PSG1: variants seen among roughly 807,000 people sequenced by gnomAD.
The protein encoded by PSG1 is pregnancy specific beta-1-glycoprotein 1, also known as pregnancy-specific beta-1-glycoprotein 1.
In PSG1, 60 loss-of-function variants were observed where a neutral mutation model predicts 41.4. That is an observed-to-expected ratio of 1.45 (90% CI 1.18 to 1.80). The LOEUF (loss-of-function observed/expected upper bound fraction) is 1.80, where lower values mean the gene tolerates loss of function less well. Ranked by LOEUF, PSG1 falls within the 40% of genes most tolerant of loss-of-function variation. The pLI is 0.00. For missense variants in PSG1, 806 were observed against 516.9 expected (o/e 1.56, Z -5.42); for synonymous variants, 256 against 192.9 (o/e 1.33, Z -2.71).
rs148462314 is a variant in PSG1 at position 42,873,587 on chromosome 19, C to G, written c.431-1542G>C. Among the ~76,000 whole-genome samples the G allele has an allele frequency of 7.8e-3, 1,190 of 151,756 alleles. 38 individuals carry two copies. Among genetic ancestry groups the G allele is most frequent in the African/African-American group, 0.027 (1,101 of 41,376 alleles). On this transcript the variant is annotated intron_variant, in intron 2 of 5. Coordinates refer to ENST00000436291, the MANE Select transcript of PSG1 (RefSeq NM_001184825.2). ...ATCAATTGCTGGTAGTAGTATTTCT[C>G]TTGAGACCAAAATAAGGTTTAGGTG... is the stretch of plus-strand genomic sequence containing the variant.
chr19:42,878,606 T>C (rs8108911), intron 1 of PSG1, among the ~76,000 whole-genome samples: 42,374 of 125,388 alleles, frequency 0.34, 10,092 homozygotes, highest in African/African-American at 0.64. Flanking sequence ...AGGTCCTGCT[T>C]ACATCAGGGC....
At position 42,868,139 on chromosome 19, in the gene PSG1, C is replaced by T. The variant is rs769816414; in HGVS notation, c.1205G>A (p.Gly402Asp). ...YVCSVRNSATGKESSKSMTVE... is the reference protein window; with the variant it reads ...YVCSVRNSATDKESSKSMTVE... Reference sequence around the variant, plus strand: ...TGTCATGGATTTGGAGCTTTCCTTGCCAGTGGCTGAGTTACGAACAGAGCA... The same window carrying T: ...TGTCATGGATTTGGAGCTTTCCTTGTCAGTGGCTGAGTTACGAACAGAGCA... The change falls in exon 5 of 6, where the codon GGC becomes GAC. Residue 402 changes from glycine to aspartate, a missense_variant. Gly to Asp is a moderately conservative substitution (Grantham distance 94). Coordinates refer to ENST00000436291, the MANE Select transcript of PSG1 (RefSeq NM_001184825.2). The T allele has an allele frequency of 8.1e-6, 13 of 1,612,244 alleles. No homozygotes were observed. The East Asian group carries it at 2.7e-4, about 33-fold the overall frequency.
chr19:42,875,155 T>A (rs1971551248), intron 2 of PSG1, among the ~76,000 whole-genome samples: 1 of 151,738 alleles, frequency 6.6e-6, no homozygotes, highest in Non-Finnish European at 1.5e-5. Context: ...TGGCATCTAG[T>A]CTCAGGCTGG....
intron 2 of PSG1, among the ~76,000 whole-genome samples, chr19:42,874,857 C>A (rs1191818871): frequency 1.3e-5 from 2 of 151,394 alleles, no homozygotes; most frequent in Non-Finnish European, 2.9e-5. Flanking sequence ...GAGTGCCCAG[C>A]CATCTCTGAG....
chr19:42,868,297 G>C lies in PSG1; in HGVS notation c.1047C>G (p.Val349=). The change falls in exon 5 of 6, where the codon GTC becomes GTG. Residue 349 remains valine (V), a synonymous_variant. Transcript: ENST00000436291. ...AGTCCGCAGAACAGGACAAGTAGAG[G>C]ACTTCTCCTGAACGGTAATAGGTGA... is the stretch of plus-strand genomic sequence containing the variant. ...PSFTYYRSGE[V]LYLSCSADSN... is the part of the protein sequence containing the mutation. 6.2e-7 allele frequency: 1 copy of C among 1,612,110 alleles called. No homozygotes were observed.
At position 42,869,009 on chromosome 19, in the gene PSG1, GGT is replaced by G; in HGVS notation, c.733_734del (p.Thr245HisfsTer10). 6.2e-7 allele frequency: 1 copy of G among 1,610,682 alleles called. No homozygotes were observed. The highest frequency in any genetic ancestry group is 8.5e-7 in the Non-Finnish European group (1 of 1,179,032). ...LLPKLPKPYI[T>X]INNLNPRENK... ...TCTCCCTGGGGTTTAAGTTGTTGAT[GGT>G]GATGTAGGGCTTGGGCAGCTTCGCT... is the stretch of plus-strand genomic sequence containing the variant. On this transcript the variant is annotated frameshift_variant, in exon 4 of 6. Coordinates refer to ENST00000436291, the MANE Select transcript of PSG1 (RefSeq NM_001184825.2). LOFTEE classifies it high-confidence loss of function.
In PSG1 at chr19:42,879,530, G is replaced by C. The variant is rs189153797; in HGVS notation, c.52C>G (p.Leu18Val). ...PCTQRIKWKG[L>V]LLTASLLNFW... is the part of the protein sequence containing the mutation. The stretch of plus-strand genomic sequence containing the variant: ...GTTCTCTCCTCACCTGTGAGCAGGA[G>C]CCCCTTCCATTTGATGCGCTGTGTG... The change falls in exon 1 of 6, where the codon CTC becomes GTC. Residue 18 changes from leucine to valine, a missense_variant. Physicochemically the swap from Leu to Val is conservative, Grantham distance 32 (BLOSUM62 1). Coordinates refer to ENST00000436291, the MANE Select transcript of PSG1 (RefSeq NM_001184825.2). The C allele has an allele frequency of 3.6e-4, 573 of 1,610,308 alleles. 15 individuals carry two copies. The highest frequency in any genetic ancestry group is 1.3e-3 in the Admixed American group (75 of 59,784).
chr19:42,868,424 G>T (rs1971231357), intron 4 of PSG1, 69 bp from the exon 5 acceptor site: 2 of 1,502,804 alleles, frequency 1.3e-6, no homozygotes. Context: ...GTCTCTTAAA[G>T]GGACACAGTG....
chr19:42,869,936 G>A (rs369619877), intron 3 of PSG1: 2 of 149,908 alleles, frequency 1.3e-5, no homozygotes, highest in East Asian at 2.0e-4. Flanking sequence ...ATGGATATGA[G>A]ACAAATTTGG....
intron 2 of PSG1, among the ~76,000 whole-genome samples, chr19:42,874,838 T>A (rs1005242247): frequency 6.6e-6 from 1 of 151,282 alleles, no homozygotes; most frequent in Admixed American, 6.6e-5. Context: ...AAGAGTCCAC[T>A]CAGAGATGGA....
At chr19:42,874,531 A>G (rs960033888) in intron 2 of PSG1, among the ~76,000 whole-genome samples, 1 of 151,596 alleles carries the variant, frequency 6.6e-6, no homozygotes, top group East Asian at 1.9e-4. Flanking sequence ...CATTTTTAGT[A>G]GAGACGGGGT....
rs542897922 is a variant in PSG1, at chr19:42,868,902, G to A, written c.842C>T (p.Pro281Leu). The change falls in exon 4 of 6, where the codon CCG becomes CTG. Residue 281 changes from proline to leucine, a missense_variant. Physicochemically the swap from Pro to Leu is moderately conservative, Grantham distance 98. Coordinates refer to ENST00000436291, the MANE Select transcript of PSG1 (RefSeq NM_001184825.2). ...YIWWLNGQSL[P>L]VSPRVKRPIE... ...GGGTCGCTTTACCCTGGGACTGACC[G>A]GGAGGCTCTGACCATTTAGCCACCA... The A allele has an allele frequency of 5.0e-6, 8 of 1,610,518 alleles. No individual in the cohort carries two copies. The highest frequency in any genetic ancestry group is 4.0e-5 in the African/African-American group (3 of 74,752).
intron 4 of PSG1, 89 bp downstream of exon 4, chr19:42,868,667 T>G: frequency 6.3e-7 from 1 of 1,582,540 alleles, no homozygotes; most frequent in South Asian, 1.2e-5. Context: ...GTGTCTATAC[T>G]TGGACCGGAG....
chr19:42,878,437 CA>C (rs1971718755), intron 1 of PSG1, 159 bp from the exon 2 acceptor site: 1 of 1,249,922 alleles, frequency 8.0e-7, no homozygotes, highest in Admixed American at 2.6e-5. Context: ...ACAAAAGCGG[CA>C]TGTGTGATTG....
intron 2 of PSG1, among the ~76,000 whole-genome samples, chr19:42,872,373 G>T (rs60887906): frequency 0.13 from 19,254 of 151,556 alleles, 1,690 homozygotes; most frequent in Admixed American, 0.18. Flanking sequence ...GGCCCACCTT[G>T]TGGTCCTCAC....
At chr19:42,873,224 G>C (rs1000300208) in intron 2 of PSG1, among the ~76,000 whole-genome samples, 1 of 151,750 alleles carries the variant, frequency 6.6e-6, no homozygotes, top group African/African-American at 2.4e-5. Flanking sequence ...TTGAAACTAA[G>C]TGTTTTGGAT....
intron 3 of PSG1, among the ~76,000 whole-genome samples, chr19:42,871,212 A>G (rs947297802): frequency 2.0e-5 from 3 of 151,626 alleles, no homozygotes; most frequent in African/African-American, 7.3e-5. Context: ...TTGGGGTATA[A>G]AGAACACTTG....
chr19:42,871,723 T>A lies in PSG1; in HGVS notation c.709+44A>T, dbSNP rs1011321363. 2.5e-6 allele frequency: 4 copies of A among 1,612,370 alleles called. No individual in the cohort carries two copies. In the African/African-American group the frequency reaches 5.4e-5, roughly 22 times the overall value. ...GAGGCCTGGCCTCTGGCCACGTGTA[T>A]TTGGGATGGCAGCCTGGCTCACAGA... On this transcript the variant is annotated intron_variant, in intron 3 of 5. Transcript: ENST00000436291.
In PSG1 at chr19:42,871,997, T is replaced by C; in HGVS notation, c.479A>G (p.Glu160Gly). Residue 160 changes from glutamate (E) to glycine (G), a missense_variant, in exon 3 of 6, where the codon GAG becomes GGG. Physicochemically the swap from Glu to Gly is moderately conservative, Grantham distance 98. Coordinates refer to ENST00000436291, the MANE Select transcript of PSG1 (RefSeq NM_001184825.2). ...GGTTAAGCTCACAGCCTCCATGGTC[T>C]CCCTGGGATTTAAGTTGCTGCTGGA... ...SISSSNLNPR[E>G]TMEAVSLTCD... is the part of the protein sequence containing the mutation. The C allele has an allele frequency of 2.5e-5, 41 of 1,612,422 alleles. No homozygotes were observed. The highest frequency in any genetic ancestry group is 3.2e-5 in the Non-Finnish European group (38 of 1,179,176).
Sources: gnomAD v4.1 joint callset for allele counts (sites outside exome capture counted in the v4.1 genomes callset) on GRCh38, gnomAD v4.1.1 for gene constraint, MANE v1.5 for transcripts, NCBI Gene and HGNC (gene_info 2026-07-23, HGNC 2026-07-21) for gene names.